Variants in MEIKIN observed in about 807,000 individuals in gnomAD.
MEIKIN encodes the protein meiosis-specific kinetochore protein.
chr5:131,928,036 C>T lies in MEIKIN; in HGVS notation c.478+5477G>A, dbSNP rs560028792. On this transcript the variant is annotated intron_variant, in intron 5 of 12. Transcript: ENST00000442687. ...GCGCGCGCCTGTAGTCCCAGCTACA[C>T]GGGAGGCTGAGGCAGGAGAATGGCA... Among the ~76,000 whole-genome samples the T allele has an allele frequency of 1.7e-3, 251 of 150,902 alleles. 1 individual carries two copies. The highest frequency in any genetic ancestry group is 5.7e-3 in the African/African-American group (235 of 40,964).
At chr5:131,944,786 T>C in intron 2 of MEIKIN, 34 bp from the exon 3 acceptor site, 1 of 399,030 alleles carries the variant, frequency 2.5e-6, no homozygotes, top group Non-Finnish European at 4.4e-6. Flanking sequence ...GTTTGCACCA[T>C]CTGGATTTGG....
intron 11 of MEIKIN, among the ~76,000 whole-genome samples, chr5:131,830,555 T>C (rs903269934): frequency 2.6e-5 from 4 of 152,254 alleles, no homozygotes; most frequent in African/African-American, 9.6e-5. Context: ...CTCAGCAAGA[T>C]TCTCATCGTC....
intron 12 of MEIKIN, among the ~76,000 whole-genome samples, chr5:131,816,916 G>A (rs1773113660): frequency 6.6e-6 from 1 of 152,222 alleles, no homozygotes; most frequent in South Asian, 2.1e-4. Context: ...GGGATACTCA[G>A]AAAGCTGGTA....
intron 11 of MEIKIN, among the ~76,000 whole-genome samples, chr5:131,830,832 A>C (rs964829932): frequency 2.0e-5 from 3 of 152,248 alleles, no homozygotes; most frequent in Non-Finnish European, 4.4e-5. Context: ...AAGAAAATGA[A>C]GCCAATCAAA....
In MEIKIN at chr5:131,807,161, A is replaced by T. The variant is rs960345989; in HGVS notation, c.*75T>A. 2.5e-6 allele frequency: 1 copy of T among 398,478 alleles called. No individual in the cohort carries two copies. Among genetic ancestry groups the T allele is most frequent in the Non-Finnish European group, 4.4e-6 (1 of 225,990 alleles). 24.7% of individuals were successfully genotyped at this position (398,478 alleles called of 1,614,324 possible). A position where few individuals can be genotyped will look rare whatever the true frequency, so the allele number is the denominator to read the frequency against. ...TTTTTAATTTCATATAATTTCAGGC[A>T]GACATTCTGCTTTATAGACTTTGAC... On this transcript the variant is annotated 3_prime_UTR_variant, in exon 13 of 13. Coordinates refer to ENST00000442687, the MANE Select transcript of MEIKIN (RefSeq NM_001303622.2).
chr5:131,819,679 AAC>A (rs1749451420), intron 11 of MEIKIN, among the ~76,000 whole-genome samples: 1 of 147,650 alleles, frequency 6.8e-6, no homozygotes, highest in Non-Finnish European at 1.5e-5. Flanking sequence ...GGCTCAAAGC[AAC>A]CTCTGCCTCC....
chr5:131,858,609 C>T (rs1169659170), intron 9 of MEIKIN, among the ~76,000 whole-genome samples: 2 of 152,002 alleles, frequency 1.3e-5, no homozygotes, highest in South Asian at 2.1e-4. Context: ...AAAGAGCTTC[C>T]GCACAGCAAA....
At chr5:131,826,391 C>T (rs545826439) in intron 11 of MEIKIN, among the ~76,000 whole-genome samples, 1 of 151,940 alleles carries the variant, frequency 6.6e-6, no homozygotes, top group African/African-American at 2.4e-5. Flanking sequence ...AAGACAGAAC[C>T]AAAATACTGT....
At chr5:131,871,291 A>G (rs1255014532) in intron 9 of MEIKIN, among the ~76,000 whole-genome samples, 3 of 152,068 alleles carry the variant, frequency 2.0e-5, no homozygotes, top group Non-Finnish European at 2.9e-5. Flanking sequence ...AAATTGGGTC[A>G]CTCCCACCCT....
chr5:131,919,649 C>T (rs898733990), intron 6 of MEIKIN, among the ~76,000 whole-genome samples: 13 of 151,980 alleles, frequency 8.6e-5, no homozygotes, highest in East Asian at 1.9e-4. Flanking sequence ...CTATATAGCA[C>T]GGTACCCTTC....
At chr5:131,849,012 C>G (rs555274341) in intron 11 of MEIKIN, among the ~76,000 whole-genome samples, 1 of 152,162 alleles carries the variant, frequency 6.6e-6, no homozygotes, top group Admixed American at 6.5e-5. Flanking sequence ...AAATTCAATA[C>G]CATTTTGTGA....
At chr5:131,852,764 A>G (rs1184567511) in intron 10 of MEIKIN, among the ~76,000 whole-genome samples, 2 of 152,050 alleles carry the variant, frequency 1.3e-5, no homozygotes, top group Non-Finnish European at 2.9e-5. Context: ...TATGCTAAAA[A>G]CCACTGAATT....
chr5:131,901,365 C>T (rs866393246), intron 8 of MEIKIN, among the ~76,000 whole-genome samples: 8 of 152,154 alleles, frequency 5.3e-5, no homozygotes, highest in African/African-American at 7.2e-5. Flanking sequence ...GTCCTAACAT[C>T]GCCACCAGTG....
chr5:131,862,194 CAGG>C (rs1750297953), intron 9 of MEIKIN, among the ~76,000 whole-genome samples: 1 of 152,000 alleles, frequency 6.6e-6, no homozygotes, highest in African/African-American at 2.4e-5. Flanking sequence ...TGTATGTTTC[CAGG>C]AGTTTACCCA....
intron 8 of MEIKIN, among the ~76,000 whole-genome samples, chr5:131,885,115 C>T (rs966963905): frequency 6.6e-5 from 10 of 152,136 alleles, no homozygotes; most frequent in Admixed American, 6.6e-4. Context: ...TGCCACCCTG[C>T]AGGGAAGGAC....
intron 6 of MEIKIN, among the ~76,000 whole-genome samples, chr5:131,921,003 T>C (rs1751494500): frequency 6.6e-6 from 1 of 151,960 alleles, no homozygotes; most frequent in Admixed American, 6.6e-5. Context: ...CACCCAGCCA[T>C]AACTTCATTC....
intron 9 of MEIKIN, among the ~76,000 whole-genome samples, chr5:131,875,090 G>A (rs147052748): frequency 1.3e-5 from 2 of 152,286 alleles, no homozygotes; most frequent in African/African-American, 4.8e-5. Context: ...GCACAAGACA[G>A]GGATGTCCTC....
intron 9 of MEIKIN, among the ~76,000 whole-genome samples, chr5:131,874,682 GAC>G (rs1580884354): frequency 6.6e-6 from 1 of 151,586 alleles, no homozygotes; most frequent in African/African-American, 2.4e-5. Context: ...GTCTGGCAGA[GAC>G]ACAACAAAAA....
In MEIKIN at chr5:131,815,353, A is replaced by G. The variant is rs536217005; in HGVS notation, c.1099+3387T>C. ...CCAGAGGGCTATATATATGCTCTGA[A>G]TCAGCATCCAATAAATGGTACTTTT... is the stretch of plus-strand genomic sequence containing the variant. On this transcript the variant is annotated intron_variant, in intron 12 of 12. Coordinates refer to ENST00000442687, the MANE Select transcript of MEIKIN (RefSeq NM_001303622.2). 3.3e-5 allele frequency among the ~76,000 whole-genome samples: 5 copies of G among 152,326 alleles called. No homozygotes were observed. The South Asian group carries it at 6.2e-4, about 19-fold the overall frequency.
Sources: allele counts gnomAD v4.1 joint callset (sites outside exome capture counted in the v4.1 genomes callset), GRCh38; gene constraint gnomAD v4.1.1; transcripts MANE v1.5; gene names NCBI Gene and HGNC (gene_info 2026-07-23, HGNC 2026-07-21).